VIPR1: variants seen among roughly 807,000 people sequenced by gnomAD.
The protein encoded by VIPR1 is vasoactive intestinal peptide receptor 1, also known as vasoactive intestinal polypeptide receptor 1.
In VIPR1, 59 loss-of-function variants were observed where a neutral mutation model predicts 58.8. The observed-to-expected ratio is 1.00, with a 90% CI of 0.81 to 1.25. The LOEUF (loss-of-function observed/expected upper bound fraction) is 1.25, where lower values mean the gene tolerates loss of function less well. Among genes scored for constraint, VIPR1 ranks in the 50% most tolerant of loss-of-function variants. VIPR1 has a pLI of 0.00. For synonymous variants in VIPR1, 251 were observed against 242.1 expected (o/e 1.04, Z -0.34); for missense variants, 626 against 602.7 (o/e 1.04, Z -0.40).
At chr3:42,534,920 C>A in intron 10 of VIPR1, 55 bp from the exon 11 acceptor site, 2 of 1,599,648 alleles carry the variant, frequency 1.3e-6, no homozygotes, top group Non-Finnish European at 1.7e-6. Flanking sequence ...CACACCCTAT[C>A]ATATCCACAT....
Position 42,536,380 on chromosome 3 carries a change from C to T in VIPR1, c.*99C>T. On this transcript the variant is annotated 3_prime_UTR_variant, in exon 13 of 13. Transcript: ENST00000325123. The stretch of plus-strand genomic sequence containing the variant: ...AGGCCTGCCCGGGCGCGGCCAGCCC[C>T]GGCCCTGGGCTCGGAGGCTGCCCCC... 1.5e-6 allele frequency: 2 copies of T among 1,323,570 alleles called. No individual in the cohort carries two copies. The highest frequency in any genetic ancestry group is 2.0e-6 in the Non-Finnish European group (2 of 1,007,758). 82.0% of individuals were successfully genotyped at this position (1,323,570 alleles called of 1,614,324 possible).
chr3:42,510,156 C>T (rs1700296345), intron 1 of VIPR1, among the ~76,000 whole-genome samples: 1 of 152,246 alleles, frequency 6.6e-6, no homozygotes, highest in East Asian at 1.9e-4. Flanking sequence ...AGGCTTCTCA[C>T]AGCCTTGCAT....
chr3:42,532,199 C>A (rs768531879), intron 9 of VIPR1, 43 bp from the exon 10 acceptor site: 10 of 1,593,198 alleles, frequency 6.3e-6, no homozygotes, highest in East Asian at 2.2e-5. Flanking sequence ...AACACCTCAG[C>A]CTTCCCGCTC....
intron 2 of VIPR1, chr3:42,516,647 A>T (rs1700642132): frequency 6.6e-6 from 1 of 152,062 alleles, no homozygotes; most frequent in Non-Finnish European, 1.5e-5. Flanking sequence ...GGACTCAGAC[A>T]CAATAGCCGG....
chr3:42,535,891 G>GC, intron 12 of VIPR1, among the ~76,000 whole-genome samples, 199 bp from the exon 13 acceptor site: 1 of 152,242 alleles, frequency 6.6e-6, no homozygotes, highest in East Asian at 1.9e-4. Flanking sequence ...CTTACCTCCT[G>GC]CCATTCCAAG....
At chr3:42,522,143 G>A (rs571589147) in intron 3 of VIPR1, among the ~76,000 whole-genome samples, 5 of 104,368 alleles carry the variant, frequency 4.8e-5, no homozygotes, top group Admixed American at 1.5e-4. Context: ...ACAGCGTCTC[G>A]CTCTGTCCCC....
At chr3:42,508,716 A>G (rs1259973833) in intron 1 of VIPR1, 1 of 151,964 alleles carries the variant, frequency 6.6e-6, no homozygotes, top group Non-Finnish European at 1.5e-5. Context: ...TATGTCCTTT[A>G]CCCACTCCTT....
intron 4 of VIPR1, among the ~76,000 whole-genome samples, chr3:42,526,923 A>C (rs1559493032): frequency 6.6e-6 from 1 of 152,122 alleles, no homozygotes; most frequent in East Asian, 1.9e-4. Flanking sequence ...GGGACATACT[A>C]GTGCCAGTGT....
chr3:42,517,137 C>A (rs1182234411), intron 2 of VIPR1, among the ~76,000 whole-genome samples: 1 of 152,218 alleles, frequency 6.6e-6, no homozygotes, highest in Non-Finnish European at 1.5e-5. Context: ...TCCAGGTGTC[C>A]TCCTCAGCCT....
intron 3 of VIPR1, among the ~76,000 whole-genome samples, chr3:42,524,923 T>C (rs1358188412): frequency 6.6e-6 from 1 of 152,134 alleles, no homozygotes; most frequent in Non-Finnish European, 1.5e-5. Flanking sequence ...ATTGAGGAAA[T>C]TAAACAGGAT....
intron 10 of VIPR1, chr3:42,533,423 G>C (rs1316432118): frequency 7.7e-6 from 1 of 130,268 alleles, no homozygotes; most frequent in Non-Finnish European, 1.6e-5. Flanking sequence ...GGAAAGGCTG[G>C]GGGGGACGGG....
intron 2 of VIPR1, 104 bp downstream of exon 2, chr3:42,513,958 A>G: frequency 7.6e-7 from 1 of 1,311,488 alleles, no homozygotes. Flanking sequence ...CATTTATTGG[A>G]TGATGGTGAG....
chr3:42,500,287 AT>A (rs1699841613), upstream of VIPR1: 1 of 152,104 alleles, frequency 6.6e-6, no homozygotes, highest in Non-Finnish European at 1.5e-5. Context: ...AAGGCAACCC[AT>A]CCCCACTGGT....
rs75505222 is a variant in VIPR1 at position 42,510,543 on chromosome 3, A to G, written c.79-3206A>G. ...CCCTGGCCCGGTCCCTCAAAGGGCA[A>G]TGGTTGACCAGAGGGTCCAAGGCGA... On this transcript the variant is annotated intron_variant, in intron 1 of 12. Transcript: ENST00000325123. 2.0e-4 allele frequency among the ~76,000 whole-genome samples: 31 copies of G among 152,296 alleles called. 1 individual carries two copies. In the East Asian group the frequency reaches 4.8e-3, roughly 24 times the overall value.
At chr3:42,527,547 CT>C (rs1228915697) in intron 5 of VIPR1, 51 bp downstream of exon 5, 3 of 1,579,414 alleles carry the variant, frequency 1.9e-6, no homozygotes, top group African/African-American at 2.7e-5. Flanking sequence ...GCAAGTGTCC[CT>C]CCCACAGTGG....
At chr3:42,505,632 C>A (rs1304166655) in intron 1 of VIPR1, among the ~76,000 whole-genome samples, 2 of 152,240 alleles carry the variant, frequency 1.3e-5, no homozygotes, top group East Asian at 3.9e-4. Flanking sequence ...GAAAAGCGAG[C>A]CCTTTTGGAA....
chr3:42,501,353 T>G (rs1380317204), upstream of VIPR1, among the ~76,000 whole-genome samples: 1 of 152,014 alleles, frequency 6.6e-6, no homozygotes, highest in African/African-American at 2.4e-5. This position sits in a 1 kb window ranked among gnomAD's most constrained non-coding sequence, Gnocchi z 4.8. Flanking sequence ...AGCCAAAGCC[T>G]AGCGCGGGAC....
chr3:42,495,509 T>C lies in VIPR1; in HGVS notation c.-245+5831T>C, dbSNP rs185586669. 1.7e-3 allele frequency among the ~76,000 whole-genome samples: 264 copies of C among 152,238 alleles called. 1 individual carries two copies. Among genetic ancestry groups the C allele is most frequent in the African/African-American group, 5.5e-3 (230 of 41,550 alleles). ...TCCTGTGGTTGGCAGAATTCTAAGA[T>C]GGCACCCAAGATTCCTGCCTCCTGG... On this transcript the variant is annotated intron_variant, in intron 1 of 13. Transcript: ENST00000433647.
At chr3:42,509,945 C>G (rs987972516) in intron 1 of VIPR1, among the ~76,000 whole-genome samples, 4 of 152,216 alleles carry the variant, frequency 2.6e-5, no homozygotes, top group Non-Finnish European at 5.9e-5. Context: ...TCAGCCCCAC[C>G]ACCTGCAACC....
Sources: gnomAD v4.1 joint callset for allele counts (sites outside exome capture counted in the v4.1 genomes callset) on GRCh38, gnomAD v4.1.1 for gene constraint, Gnocchi (gnomAD v3.1) non-coding constraint, MANE v1.5 for transcripts, NCBI Gene and HGNC (gene_info 2026-07-23, HGNC 2026-07-21) for gene names.